The following AR variants were observed in gnomAD, a reference collection of about 807,000 sequenced individuals.
AR encodes dihydrotestosterone receptor.
A neutral mutation model predicts 53.9 loss-of-function variants in AR; 8 were observed. The ratio of observed to expected loss-of-function variants is 0.15; its 90% CI spans 0.09 to 0.27. The LOEUF (loss-of-function observed/expected upper bound fraction) is 0.27. Ranked by LOEUF, AR falls within the 10% of genes least tolerant of loss-of-function variation. The pLI, the probability that AR is intolerant of heterozygous loss-of-function variation, is 1.00. For missense variants in AR, 639 were observed against 742.5 expected (o/e 0.86, Z 1.62); for synonymous variants, 359 against 316.4 (o/e 1.13, Z -1.43).
chrX:67,665,314 G>A (rs1003987397), intron 2 of AR, among the ~76,000 whole-genome samples: 2 of 112,524 alleles, frequency 1.8e-5, no homozygotes, highest in East Asian at 2.8e-4. Flanking sequence ...TCTCAACCCT[G>A]AGTATAAGTA....
In AR at chrX:67,546,068, G is replaced by A. The variant is rs2147319146; in HGVS notation, c.922G>A (p.Glu308Lys). Residue 308 changes from glutamate to lysine, a missense_variant, in exon 1 of 8, where the codon GAG (glutamate) becomes AAG (lysine). This residue lies in a region of AR where 423 missense variants were observed against 377.0 expected (regional missense o/e 1.12). Transcript: ENST00000374690. Reference sequence around the variant, plus strand: ...AGGCAAGAGCACTGAAGATACTGCTGAGTATTCCCCTTTCAAGGGAGGTTA... The same window carrying A: ...AGGCAAGAGCACTGAAGATACTGCTAAGTATTCCCCTTTCAAGGGAGGTTA... ...SAGKSTEDTA[E>K]YSPFKGGYTK... 1.6e-6 allele frequency: 2 copies of A among 1,212,386 alleles called. No individual in the cohort carries two copies. Among genetic ancestry groups the A allele is most frequent in the Non-Finnish European group, 2.2e-6 (2 of 895,649 alleles).
At chrX:67,628,002 C>G (rs182198853) in intron 1 of AR, among the ~76,000 whole-genome samples, 2,276 of 111,399 alleles carry the variant, frequency 0.02, 49 homozygotes, top group African/African-American at 0.071. Flanking sequence ...CTATATCTCT[C>G]TTTTGGTACC....
chrX:67,555,953 T>C (rs1268309302), intron 1 of AR, among the ~76,000 whole-genome samples: 1 of 112,630 alleles, frequency 8.9e-6, no homozygotes, highest in Non-Finnish European at 1.9e-5. Context: ...TTTGGGATGT[T>C]GTTTCTCGAA....
chrX:67,642,497 A>C (rs944138884), intron 1 of AR, among the ~76,000 whole-genome samples: 1 of 111,350 alleles, frequency 9.0e-6, no homozygotes, highest in Non-Finnish European at 1.9e-5. Flanking sequence ...AAGTATTTTG[A>C]TGGTAGCCTA....
chrX:67,723,638 C>T (rs2076146516), intron 7 of AR, 48 bp from the exon 8 acceptor site: 2 of 1,195,324 alleles, frequency 1.7e-6, no homozygotes, highest in East Asian at 3.0e-5. Flanking sequence ...CTAGCAGAGG[C>T]CACCTCCTTG....
At chrX:67,642,955 G>A (rs980627012) in intron 1 of AR, among the ~76,000 whole-genome samples, 1 of 111,587 alleles carries the variant, frequency 9.0e-6, no homozygotes, top group Admixed American at 9.5e-5. Flanking sequence ...ACCACCTTCA[G>A]TTAGATATCT....
intron 2 of AR, among the ~76,000 whole-genome samples, chrX:67,660,247 G>A (rs1418085771): frequency 2.7e-5 from 3 of 112,038 alleles, no homozygotes; most frequent in Non-Finnish European, 5.6e-5. Context: ...TTTGGCTTTT[G>A]TTGCCATTGC....
intron 1 of AR, among the ~76,000 whole-genome samples, chrX:67,563,171 GT>G (rs1172253472): frequency 8.9e-6 from 1 of 111,847 alleles, no homozygotes; most frequent in Non-Finnish European, 1.9e-5. Context: ...ACTTTGTGTA[GT>G]TAAGGATTTT....
At chrX:67,673,779 G>T (rs925556914) in intron 2 of AR, among the ~76,000 whole-genome samples, 1 of 110,650 alleles carries the variant, frequency 9.0e-6, no homozygotes, top group African/African-American at 3.3e-5. Context: ...ATTTTTCCAG[G>T]ATTGCTATCT....
chrX:67,576,623 T>C (rs1272275523), intron 1 of AR, among the ~76,000 whole-genome samples: 6 of 111,200 alleles, frequency 5.4e-5, no homozygotes. Context: ...TTGGATACCT[T>C]GGTCTCAGCC....
intron 2 of AR, among the ~76,000 whole-genome samples, chrX:67,668,493 TGTTTATCAGG>T (rs1927374078): frequency 9.0e-6 from 1 of 110,724 alleles, no homozygotes; most frequent in Non-Finnish European, 1.9e-5. Flanking sequence ...TTTGCATCAG[TGTTTATCAGG>T]GATATTGGCC....
chrX:67,654,342 T>TA (rs1367678672), intron 2 of AR, among the ~76,000 whole-genome samples: 1 of 111,254 alleles, frequency 9.0e-6, no homozygotes, highest in Admixed American at 9.6e-5. Context: ...ATTCCCCAGG[T>TA]AAAGGAGGCC....
At chrX:67,660,485 T>G (rs368881035) in intron 2 of AR, among the ~76,000 whole-genome samples, 10 of 111,693 alleles carry the variant, frequency 9.0e-5, no homozygotes, top group Admixed American at 3.8e-4. Context: ...TTTCCCCATT[T>G]CTTGTTTTTG....
At chrX:67,702,144 G>A (rs932921583) in intron 3 of AR, among the ~76,000 whole-genome samples, 6 of 111,638 alleles carry the variant, frequency 5.4e-5, no homozygotes, top group Non-Finnish European at 1.1e-4. Context: ...TTGTAAAATA[G>A]GGATAAGAAA....
rs756604489 is a variant in AR at position 67,569,003 on chromosome X, A to G, written c.1616+22241A>G. 6 of 1,208,575 alleles carry G rather than the reference A, an allele frequency of 5.0e-6. No homozygotes were observed. The Admixed American group carries it at 6.6e-5, about 13-fold the overall frequency. On this transcript the variant is annotated intron_variant, in intron 1 of 7. Transcript: ENST00000374690. ...CTGACATTGCCTGTCACTTTTTCCC[A>G]TGATACTCTGGCTTCACAGGTGGGA...
At chrX:67,579,514 G>T (rs1205707658) in intron 1 of AR, among the ~76,000 whole-genome samples, 1 of 111,787 alleles carries the variant, frequency 8.9e-6, no homozygotes, top group Non-Finnish European at 1.9e-5. Context: ...AGCATGGGTG[G>T]AAAATGTGGT....
intron 1 of AR, among the ~76,000 whole-genome samples, chrX:67,596,253 T>A (rs765408319): frequency 3.6e-5 from 4 of 110,214 alleles, no homozygotes; most frequent in South Asian, 4.0e-4. Context: ...TTTTTTTTTT[T>A]TATAAATTAC....
intron 1 of AR, among the ~76,000 whole-genome samples, chrX:67,600,537 A>G (rs1409944200): frequency 2.7e-5 from 3 of 111,253 alleles, no homozygotes; most frequent in Non-Finnish European, 5.7e-5. Flanking sequence ...ATGGTAACCA[A>G]AGGCTAGAAA....
intron 1 of AR, among the ~76,000 whole-genome samples, chrX:67,611,557 A>G (rs1266302612): frequency 9.0e-6 from 1 of 111,646 alleles, no homozygotes; most frequent in Non-Finnish European, 1.9e-5. Context: ...GTCTAAAATT[A>G]TGTAGTTAAA....
Sources: allele counts gnomAD v4.1 joint callset (sites outside exome capture counted in the v4.1 genomes callset), GRCh38; gene constraint gnomAD v4.1.1; regional missense constraint gnomAD v4.1.1; transcripts MANE v1.5; gene names NCBI Gene and HGNC (gene_info 2026-07-23, HGNC 2026-07-21).